The following KLF8 variants were observed in gnomAD, a reference collection of about 807,000 sequenced individuals.
The protein encoded by KLF8 is KLF transcription factor 8.
Under a neutral mutation model 18.2 loss-of-function variants are expected in KLF8, and 10 were observed. That is an observed-to-expected ratio of 0.55 (90% CI 0.34 to 0.93). KLF8 has a LOEUF of 0.93. KLF8 is among the 40% of genes least tolerant of loss of function. The probability of loss-of-function intolerance (pLI) is 0.02; values close to 1 mark genes in which losing one functional copy is unlikely to be tolerated. For missense variants in KLF8, 264 were observed against 277.9 expected (o/e 0.95, Z 0.36); for synonymous variants, 109 against 97.3 (o/e 1.12, Z -0.71).
At chrX:56,282,744 A>G (rs1258664182) in intron 5 of KLF8, among the ~76,000 whole-genome samples, 1 of 112,077 alleles carries the variant, frequency 8.9e-6, no homozygotes, top group Admixed American at 9.5e-5. Flanking sequence ...TTTGTTTCTG[A>G]TTGTAAAATA....
At chrX:56,069,455 A>G in the KLF8 span, among the ~76,000 whole-genome samples, 1 of 111,072 alleles carries the variant, frequency 9.0e-6, no homozygotes, top group Non-Finnish European at 1.9e-5. Context: ...CTGGCCCAGT[A>G]AGCCCGCTTC....
the KLF8 span, among the ~76,000 whole-genome samples, chrX:56,068,369 T>C: frequency 9.1e-6 from 1 of 109,710 alleles, no homozygotes; most frequent in Non-Finnish European, 1.9e-5. Flanking sequence ...AGGGTGCAGC[T>C]TCCTGTTTTA....
chrX:56,036,767 G>T, the KLF8 span, among the ~76,000 whole-genome samples: 46 of 111,383 alleles, frequency 4.1e-4, no homozygotes, highest in African/African-American at 1.4e-3. Context: ...GATTCCTTTG[G>T]GTAGTACTGT....
the KLF8 span, among the ~76,000 whole-genome samples, chrX:55,976,588 A>C: frequency 2.9e-4 from 1 of 3,476 alleles, no homozygotes; most frequent in African/African-American, 6.0e-4. Flanking sequence ...ACACACACAC[A>C]CCCCATGTTT....
rs775969890 is a variant in KLF8, at chrX:56,250,274, A to G, written c.51A>G (p.Ser17=). 7.4e-6 allele frequency: 9 copies of G among 1,208,661 alleles called. No individual in the cohort carries two copies. The East Asian group carries it at 2.4e-4, about 32-fold the overall frequency. The part of the protein sequence containing the change: ...LINNLEVQLN[S]EGGSMQVFKQ... The stretch of plus-strand genomic sequence containing the variant: ...ACAACTTGGAGGTCCAACTTAATTC[A>G]GAAGGTGGCTCAATGCAGGTATTCA... The change falls in exon 2 of 6, where the codon TCA becomes TCG. Residue 17 remains serine (S), a synonymous_variant. Coordinates refer to ENST00000468660, the MANE Select transcript of KLF8 (RefSeq NM_007250.5).
At chrX:56,148,571 G>A in the KLF8 span, among the ~76,000 whole-genome samples, 1 of 111,908 alleles carries the variant, frequency 8.9e-6, no homozygotes, top group Admixed American at 9.6e-5. Context: ...TTCTCACGCT[G>A]CTAATAATTA....
the KLF8 span, among the ~76,000 whole-genome samples, chrX:56,191,512 G>A: frequency 1.8e-5 from 2 of 111,543 alleles, no homozygotes; most frequent in African/African-American, 3.2e-5. Context: ...GAAAACTACA[G>A]GCCAGTATCA....
At chrX:55,988,473 T>G in the KLF8 span, among the ~76,000 whole-genome samples, 11 of 111,599 alleles carry the variant, frequency 9.9e-5, no homozygotes, top group South Asian at 3.8e-4. Context: ...TTTCCCCATT[T>G]CTTGTTTTTG....
At chrX:56,233,816 G>C (rs990294555) in intron 1 of KLF8, among the ~76,000 whole-genome samples, 4 of 111,855 alleles carry the variant, frequency 3.6e-5, no homozygotes, top group Non-Finnish European at 7.5e-5. Context: ...TGCAAAGTTA[G>C]GCTATTGGAG....
chrX:55,932,112 C>T, the KLF8 span, among the ~76,000 whole-genome samples: 1 of 110,594 alleles, frequency 9.0e-6, no homozygotes, highest in African/African-American at 3.3e-5. Context: ...ATCCCTTTAC[C>T]ATTATGTAAT....
chrX:56,230,478 C>A (rs1001528054), upstream of KLF8, among the ~76,000 whole-genome samples: 1 of 111,519 alleles, frequency 9.0e-6, no homozygotes, highest in Non-Finnish European at 1.9e-5. Context: ...TATATCTTAC[C>A]TTGTAAGCTT....
the KLF8 span, among the ~76,000 whole-genome samples, chrX:55,977,031 G>A: frequency 8.9e-6 from 1 of 111,995 alleles, no homozygotes; most frequent in Non-Finnish European, 1.9e-5. Flanking sequence ...AGTATTTAGA[G>A]ATTTTTATGT....
At chrX:56,063,602 G>A in the KLF8 span, among the ~76,000 whole-genome samples, 1 of 111,766 alleles carries the variant, frequency 8.9e-6, no homozygotes, top group Non-Finnish European at 1.9e-5. Context: ...TCCCTGCTGG[G>A]AGGTGTGTCC....
At chrX:56,132,800 C>A in the KLF8 span, among the ~76,000 whole-genome samples, 1 of 110,730 alleles carries the variant, frequency 9.0e-6, no homozygotes, top group Non-Finnish European at 1.9e-5. Flanking sequence ...AGAGAAGATC[C>A]AAATAACATT....
At chrX:56,024,394 G>A in the KLF8 span, among the ~76,000 whole-genome samples, 1 of 110,754 alleles carries the variant, frequency 9.0e-6, no homozygotes, top group East Asian at 2.8e-4. Flanking sequence ...TTTTTGTAGA[G>A]ACAGGGTTTT....
At chrX:56,175,075 G>GTT in the KLF8 span, among the ~76,000 whole-genome samples, 1,493 of 110,117 alleles carry the variant, frequency 0.014, 16 homozygotes, top group Non-Finnish European at 0.02. Flanking sequence ...TTTTTGAAGG[G>GTT]TTTTTTTTGT....
intron 2 of KLF8, among the ~76,000 whole-genome samples, chrX:56,259,536 A>G (rs1446138952): frequency 9.0e-6 from 1 of 110,576 alleles, no homozygotes; most frequent in Admixed American, 9.7e-5. Context: ...TTCAAATTCC[A>G]ATTCTACCTC....
chrX:56,168,829 A>G, the KLF8 span, among the ~76,000 whole-genome samples: 1 of 111,140 alleles, frequency 9.0e-6, no homozygotes, highest in Non-Finnish European at 1.9e-5. Context: ...ACATGAACTC[A>G]TCCTTTTTTA....
At chrX:56,104,676 C>T in the KLF8 span, among the ~76,000 whole-genome samples, 5 of 111,371 alleles carry the variant, frequency 4.5e-5, no homozygotes, top group African/African-American at 1.6e-4. Flanking sequence ...CTCCTGGATT[C>T]ATTGATTTTT....
Sources: gnomAD v4.1 joint callset for allele counts (sites outside exome capture counted in the v4.1 genomes callset) on GRCh38, gnomAD v4.1.1 for gene constraint, MANE v1.5 for transcripts, NCBI Gene and HGNC (gene_info 2026-07-23, HGNC 2026-07-21) for gene names.